Variants in PAPPA observed in about 807,000 individuals in gnomAD.
The protein encoded by PAPPA is pappalysin 1.
PAPPA carries 60 observed loss-of-function variants against 164.0 expected under a neutral mutation model. The observed-to-expected ratio is 0.37, with a 90% confidence interval of 0.30 to 0.45. The LOEUF is 0.45. PAPPA is among the 20% of genes least tolerant of loss of function. The probability of loss-of-function intolerance (pLI) is 1.00; values close to 1 mark genes in which losing one functional copy is unlikely to be tolerated. For synonymous variants in PAPPA, 875 were observed against 814.1 expected (o/e 1.07, Z -1.27); for missense variants, 1,782 against 2,087.3 (o/e 0.85, Z 2.85).
At chr9:116,240,894 C>A (rs1348012148) in intron 7 of PAPPA, among the ~76,000 whole-genome samples, 1 of 152,172 alleles carries the variant, frequency 6.6e-6, no homozygotes, top group African/African-American at 2.4e-5. Flanking sequence ...TCTTAAAAGT[C>A]ATCTCTCTCA....
At chr9:116,378,301 T>C (rs980265716) in intron 20 of PAPPA, among the ~76,000 whole-genome samples, 4 of 152,194 alleles carry the variant, frequency 2.6e-5, no homozygotes, top group Non-Finnish European at 5.9e-5. Context: ...TCAAGGAGCA[T>C]GGTTCTTGGG....
chr9:116,288,148 A>G (rs971506748), intron 9 of PAPPA, among the ~76,000 whole-genome samples: 25 of 152,170 alleles, frequency 1.6e-4, no homozygotes, highest in Non-Finnish European at 2.8e-4. Flanking sequence ...AAATGGGCGG[A>G]TCACGAGGTC....
intron 9 of PAPPA, among the ~76,000 whole-genome samples, chr9:116,289,368 G>GCATATATATAGCATATGTATATATA (rs1564212449): frequency 1.0e-5 from 1 of 99,802 alleles, no homozygotes; most frequent in Non-Finnish European, 2.1e-5. Flanking sequence ...GCATATATAT[G>GCATATATATAGCATATGTATATATA]GCATATATAT....
chr9:116,377,010 CAG>C (rs1564247925), intron 19 of PAPPA, among the ~76,000 whole-genome samples: 2 of 152,150 alleles, frequency 1.3e-5, no homozygotes, highest in East Asian at 3.8e-4. Context: ...GGCCTGGTCT[CAG>C]AGAGTCCAAT....
At chr9:116,365,046 T>A (rs1486712736) in intron 18 of PAPPA, among the ~76,000 whole-genome samples, 1 of 152,166 alleles carries the variant, frequency 6.6e-6, no homozygotes. Flanking sequence ...TTTTTGCTCA[T>A]CCACTCCTCA....
chr9:116,358,979 C>T (rs975703416), intron 17 of PAPPA, among the ~76,000 whole-genome samples: 4 of 152,188 alleles, frequency 2.6e-5, no homozygotes, highest in South Asian at 2.1e-4. Flanking sequence ...TATAATTGGA[C>T]TCACATGATC....
In PAPPA at chr9:116,371,716, G is replaced by T. The variant is rs1416333218; in HGVS notation, c.4605+3962G>T. ...CCTCAGCCTCCTTCTTTTTTATTGA[G>T]CTATAACTTACTTCTTTAAGTGTAA... On this transcript the variant is annotated intron_variant, in intron 19 of 21. Coordinates refer to ENST00000328252, the MANE Select transcript of PAPPA (RefSeq NM_002581.5). Among the ~76,000 whole-genome samples, 3 of 151,626 alleles carry T rather than the reference G, an allele frequency of 2.0e-5. No individual in the cohort carries two copies. The South Asian group carries it at 6.2e-4, about 31-fold the overall frequency.
At chr9:116,254,674 C>T (rs1473082101) in intron 7 of PAPPA, among the ~76,000 whole-genome samples, 1 of 150,380 alleles carries the variant, frequency 6.6e-6, no homozygotes, top group Non-Finnish European at 1.5e-5. Context: ...CCCAGCTACT[C>T]AGGAAGCTGA....
intron 15 of PAPPA, among the ~76,000 whole-genome samples, chr9:116,348,971 G>T (rs1475216): frequency 0.99 from 151,482 of 152,312 alleles, 75,334 homozygotes; most frequent in Middle Eastern, 1. Flanking sequence ...TTTTAAACAG[G>T]CAATAAATAA....
chr9:116,302,661 G>C, intron 9 of PAPPA, 96 bp from the exon 10 acceptor site: 1 of 914,264 alleles, frequency 1.1e-6, no homozygotes, highest in Non-Finnish European at 1.7e-6. Flanking sequence ...CAGTACCAAT[G>C]GTTTTGGTGG....
At chr9:116,305,486 CACACAT>C (rs1358857239) in intron 10 of PAPPA, among the ~76,000 whole-genome samples, 5 of 152,172 alleles carry the variant, frequency 3.3e-5, no homozygotes, top group Admixed American at 1.3e-4. Flanking sequence ...CACACACACA[CACACAT>C]ACATACACAA....
intron 21 of PAPPA, among the ~76,000 whole-genome samples, chr9:116,394,105 A>ATGAT (rs1846930395): frequency 6.6e-6 from 1 of 152,300 alleles, no homozygotes; most frequent in Non-Finnish European, 1.5e-5. Flanking sequence ...GATCGTGCTA[A>ATGAT]TGATAGAATG....
chr9:116,348,763 T>C (rs983545336), intron 15 of PAPPA, among the ~76,000 whole-genome samples: 51 of 152,190 alleles, frequency 3.4e-4, no homozygotes, highest in African/African-American at 1.2e-3. Flanking sequence ...ATTTGTTTTT[T>C]TGTTCCTGCA....
chr9:116,182,552 T>C (rs952324531), intron 1 of PAPPA, among the ~76,000 whole-genome samples: 7 of 152,184 alleles, frequency 4.6e-5, no homozygotes, highest in Non-Finnish European at 1.0e-4. Flanking sequence ...TTTACCATGA[T>C]GATCTTTAGA....
At chr9:116,179,305 TG>T (rs1007881292) in intron 1 of PAPPA, among the ~76,000 whole-genome samples, 1 of 152,066 alleles carries the variant, frequency 6.6e-6, no homozygotes, top group Admixed American at 6.5e-5. Flanking sequence ...CAGACACAGG[TG>T]CCATCAAGGG....
At chr9:116,277,426 G>A (rs557996353) in intron 9 of PAPPA, among the ~76,000 whole-genome samples, 95 of 152,242 alleles carry the variant, frequency 6.2e-4, no homozygotes, top group African/African-American at 2.2e-3. Flanking sequence ...CTTAACACTG[G>A]AGTAATGACA....
intron 21 of PAPPA, among the ~76,000 whole-genome samples, chr9:116,387,208 T>C (rs995754948): frequency 1.3e-5 from 2 of 152,162 alleles, no homozygotes; most frequent in African/African-American, 4.8e-5. Context: ...AACTCCAGAA[T>C]AATTCAGCCA....
intron 13 of PAPPA, among the ~76,000 whole-genome samples, chr9:116,342,758 C>T (rs1588012255): frequency 6.6e-6 from 1 of 152,092 alleles, no homozygotes; most frequent in East Asian, 1.9e-4. Flanking sequence ...ACATAAAAGC[C>T]TTGAGGTTCT....
chr9:116,206,319 G>T lies in PAPPA; in HGVS notation c.1479-1137G>T, dbSNP rs570602249. ...TGGTTTCGTGAGCTTGGGGCTTTCT[G>T]TGACATGGGCGGCCTTGACACGCTA... is the stretch of plus-strand genomic sequence containing the variant. On this transcript the variant is annotated intron_variant, in intron 2 of 21. Coordinates refer to ENST00000328252, the MANE Select transcript of PAPPA (RefSeq NM_002581.5). Among the ~76,000 whole-genome samples the T allele has an allele frequency of 5.9e-5, 9 of 152,266 alleles. No individual in the cohort carries two copies. In the South Asian group the frequency reaches 1.0e-3, roughly 18 times the overall value.
Sources: gnomAD v4.1 joint callset for allele counts (sites outside exome capture counted in the v4.1 genomes callset) on GRCh38, gnomAD v4.1.1 for gene constraint, MANE v1.5 for transcripts, NCBI Gene and HGNC (gene_info 2026-07-23, HGNC 2026-07-21) for gene names.